IL1RAPL1: variants seen among roughly 807,000 people sequenced by gnomAD.
The protein encoded by IL1RAPL1 is interleukin-1 receptor accessory protein-like 1.
Under a neutral mutation model 48.4 loss-of-function variants are expected in IL1RAPL1, and 3 were observed. That is an observed-to-expected ratio of 0.06 (90% CI 0.03 to 0.16). The LOEUF (loss-of-function observed/expected upper bound fraction) is 0.16, where lower values mean the gene tolerates loss of function less well. Ranked by LOEUF, IL1RAPL1 falls within the 10% of genes least tolerant of loss-of-function variation. IL1RAPL1 has a pLI of 1.00. For missense variants in IL1RAPL1, 349 were observed against 530.6 expected, an observed-to-expected ratio of 0.66 and a Z score of 3.36; for synonymous variants, 185 against 187.7, an observed-to-expected ratio of 0.99 and a Z score of 0.12.
intron 2 of IL1RAPL1, among the ~76,000 whole-genome samples, chrX:28,855,165 G>A (rs1921772257): frequency 1.8e-5 from 2 of 111,188 alleles, no homozygotes; most frequent in Admixed American, 1.9e-4. Context: ...GATTACAGGT[G>A]TGCACCACCA....
chrX:28,873,752 G>T (rs6628396), intron 2 of IL1RAPL1, among the ~76,000 whole-genome samples: 3 of 105,473 alleles, frequency 2.8e-5, no homozygotes, highest in African/African-American at 6.9e-5. Context: ...AGGATGGTCT[G>T]GATCTCCTGA....
chrX:29,206,909 G>A (rs1930677070), intron 2 of IL1RAPL1, among the ~76,000 whole-genome samples: 1 of 111,871 alleles, frequency 8.9e-6, no homozygotes, highest in Admixed American at 9.6e-5. Flanking sequence ...TGGCCTATAA[G>A]TGTTTAACCT....
intron 2 of IL1RAPL1, among the ~76,000 whole-genome samples, chrX:28,821,738 C>T (rs761990648): frequency 9.0e-5 from 10 of 111,083 alleles, no homozygotes; most frequent in African/African-American, 9.8e-5. Context: ...AAAGATAATG[C>T]GTACCACGGT....
At chrX:28,858,764 A>G (rs762679354) in intron 2 of IL1RAPL1, among the ~76,000 whole-genome samples, 16 of 112,288 alleles carry the variant, frequency 1.4e-4, no homozygotes, top group Non-Finnish European at 2.6e-4. Context: ...TGAATCTGCA[A>G]TATCTCCAAG....
intron 5 of IL1RAPL1, among the ~76,000 whole-genome samples, chrX:29,497,517 T>C (rs148461911): frequency 0.01 from 1,119 of 111,575 alleles, 12 homozygotes; most frequent in African/African-American, 0.035. Flanking sequence ...TTGTTAAGAA[T>C]ATTTCATTAT....
intron 3 of IL1RAPL1, among the ~76,000 whole-genome samples, chrX:29,357,572 G>A (rs1253710282): frequency 8.9e-6 from 1 of 112,090 alleles, no homozygotes; most frequent in African/African-American, 3.2e-5. Context: ...CGTAATAGCA[G>A]AAATGTAAAT....
chrX:29,520,044 A>G (rs1236954207), intron 5 of IL1RAPL1, among the ~76,000 whole-genome samples: 1 of 112,437 alleles, frequency 8.9e-6, no homozygotes, highest in Non-Finnish European at 1.9e-5. Flanking sequence ...TAACTGGTCT[A>G]TCCATGATAG....
chrX:29,567,335 T>G (rs1348181719), intron 5 of IL1RAPL1, among the ~76,000 whole-genome samples: 2 of 111,662 alleles, frequency 1.8e-5, no homozygotes, highest in Non-Finnish European at 3.8e-5. Flanking sequence ...AAACAATTGT[T>G]AAGAAGACAA....
intron 6 of IL1RAPL1, among the ~76,000 whole-genome samples, chrX:29,887,214 G>A (rs867344563): frequency 2.7e-5 from 3 of 111,930 alleles, no homozygotes; most frequent in Admixed American, 9.5e-5. Context: ...GAGTAAAATC[G>A]CCACAGATTG....
intron 2 of IL1RAPL1, among the ~76,000 whole-genome samples, chrX:29,190,206 TAAGAC>T (rs749338373): frequency 8.0e-5 from 9 of 112,353 alleles, no homozygotes; most frequent in East Asian, 2.8e-4. Context: ...CTATTGCTAA[TAAGAC>T]AAGACATCTG....
intron 5 of IL1RAPL1, among the ~76,000 whole-genome samples, chrX:29,559,275 C>T (rs745386305): frequency 1.2e-4 from 13 of 111,657 alleles, no homozygotes; most frequent in African/African-American, 4.2e-4. Context: ...TTGGCCTGTA[C>T]CTTTCTTTTC....
At chrX:29,095,840 T>C (rs1928203015) in intron 2 of IL1RAPL1, among the ~76,000 whole-genome samples, 1 of 110,342 alleles carries the variant, frequency 9.1e-6, no homozygotes, top group South Asian at 3.9e-4. Flanking sequence ...CCATGTGTTG[T>C]ATTTTTGCTA....
chrX:29,717,203 TACACAC>T (rs61417683), intron 6 of IL1RAPL1, among the ~76,000 whole-genome samples: 49 of 95,545 alleles, frequency 5.1e-4, no homozygotes, highest in Non-Finnish European at 5.6e-4. Flanking sequence ...AGAGCCAGAT[TACACAC>T]ACACACACAC....
chrX:29,715,622 T>A (rs369944997), intron 6 of IL1RAPL1, among the ~76,000 whole-genome samples: 1 of 111,477 alleles, frequency 9.0e-6, no homozygotes, highest in Non-Finnish European at 1.9e-5. Flanking sequence ...CCATCAGTAA[T>A]GATATTCTGG....
intron 2 of IL1RAPL1, among the ~76,000 whole-genome samples, chrX:29,232,916 G>A (rs1211145939): frequency 3.7e-5 from 4 of 108,988 alleles, no homozygotes; most frequent in African/African-American, 6.7e-5. Flanking sequence ...CTCCTGTCTC[G>A]GCCTCCCTTG....
At chrX:29,366,779 G>A (rs1041585757) in intron 3 of IL1RAPL1, among the ~76,000 whole-genome samples, 3 of 109,164 alleles carry the variant, frequency 2.7e-5, no homozygotes, top group African/African-American at 1.0e-4. Flanking sequence ...ATGTTAGTCA[G>A]GATGGTCTCG....
intron 5 of IL1RAPL1, among the ~76,000 whole-genome samples, chrX:29,478,124 A>G (rs1934998118): frequency 2.7e-5 from 3 of 112,259 alleles, no homozygotes; most frequent in African/African-American, 9.7e-5. Context: ...TACCTACTCA[A>G]TGTCTGCTTG....
chrX:28,729,393 A>G (rs1485232983), intron 1 of IL1RAPL1, among the ~76,000 whole-genome samples: 1 of 111,440 alleles, frequency 9.0e-6, no homozygotes, highest in Non-Finnish European at 1.9e-5. Flanking sequence ...TATGAAATAT[A>G]GAGGAGCATA....
At chrX:29,803,069 A>T (rs1276139329) in intron 6 of IL1RAPL1, among the ~76,000 whole-genome samples, 1 of 87,508 alleles carries the variant, frequency 1.1e-5, no homozygotes, top group Admixed American at 1.3e-4. Context: ...ATATGTATGC[A>T]TGTATACATA....
Sources: gnomAD v4.1 joint callset for allele counts (sites outside exome capture counted in the v4.1 genomes callset) on GRCh38, gnomAD v4.1.1 for gene constraint, MANE v1.5 for transcripts, NCBI Gene and HGNC (gene_info 2026-07-23, HGNC 2026-07-21) for gene names.